Variants in RHOBTB1 observed in about 807,000 individuals in gnomAD.
RHOBTB1 encodes the protein rho-related BTB domain-containing protein 1.
Under a neutral mutation model 71.6 loss-of-function variants are expected in RHOBTB1, and 40 were observed. That is an observed-to-expected ratio of 0.56 (90% CI 0.43 to 0.73). RHOBTB1 has a LOEUF of 0.73. Ranked by LOEUF, RHOBTB1 falls within the 30% of genes least tolerant of loss-of-function variation. RHOBTB1 has a pLI of 0.00. For missense variants in RHOBTB1, 797 were observed against 894.0 expected, an observed-to-expected ratio of 0.89 and a Z score of 1.38; for synonymous variants, 319 against 334.9, an observed-to-expected ratio of 0.95 and a Z score of 0.52.
intron 2 of RHOBTB1, among the ~76,000 whole-genome samples, chr10:60,927,947 T>C (rs551227345): frequency 2.6e-5 from 4 of 152,050 alleles, no homozygotes; most frequent in South Asian, 4.1e-4. Context: ...AAGGGATTAA[T>C]AACCAGAATA....
chr10:60,879,783 T>C (rs1284850156), intron 7 of RHOBTB1, among the ~76,000 whole-genome samples: 1 of 152,094 alleles, frequency 6.6e-6, no homozygotes, highest in Non-Finnish European at 1.5e-5. Context: ...TCTCTCTCCA[T>C]ACACATGCAC....
the RHOBTB1 span, among the ~76,000 whole-genome samples, chr10:60,863,945 C>T: frequency 6.6e-6 from 1 of 151,824 alleles, no homozygotes; most frequent in African/African-American, 2.4e-5. Flanking sequence ...TATGCTGCTG[C>T]AGCTGCTTTC....
At position 60,888,366 on chromosome 10, in the gene RHOBTB1, A is replaced by G. The variant is rs1292583932; in HGVS notation, c.1302T>C (p.Ala434=). ...ACATCTCGAGGACCTCTGCGATCTGAGCCAGGCCCACCAAATCCTTTTCCT... is the reference window on the plus strand; with the variant it reads ...ACATCTCGAGGACCTCTGCGATCTGGGCCAGGCCCACCAAATCCTTTTCCT... ...DEKEKDLVGL[A]QIAEVLEMFD... The change falls in exon 6 of 11, where the codon GCT becomes GCC. Residue 434 remains alanine (A), a synonymous_variant. Coordinates refer to ENST00000337910, the MANE Select transcript of RHOBTB1 (RefSeq NM_014836.5). The G allele has an allele frequency of 6.2e-7, 1 of 1,614,120 alleles. No homozygotes were observed. The highest frequency in any genetic ancestry group is 1.3e-5 in the African/African-American group (1 of 75,022).
rs2080746064 is a variant in RHOBTB1 at position 60,870,864 on chromosome 10, T to C, written c.*618A>G. 1 of 152,678 alleles carries C rather than the reference T, an allele frequency of 6.5e-6. No homozygotes were observed. The highest frequency in any genetic ancestry group is 2.1e-4 in the South Asian group (1 of 4,826). 9.5% of individuals were successfully genotyped at this position (152,678 alleles called of 1,614,324 possible). On this transcript the variant is annotated 3_prime_UTR_variant, in exon 11 of 11. Coordinates refer to ENST00000337910, the MANE Select transcript of RHOBTB1 (RefSeq NM_014836.5). ...AATTACCAGCACTTAACATGGCAAA[T>C]ATTGTAAATACACATTCTTGGAGTT... is the stretch of plus-strand genomic sequence containing the variant.
downstream of RHOBTB1, among the ~76,000 whole-genome samples, chr10:60,864,888 A>C (rs970207383): frequency 1.3e-5 from 2 of 152,096 alleles, no homozygotes; most frequent in Non-Finnish European, 2.9e-5. Flanking sequence ...ATGGGGTTTT[A>C]CCATGTTGGC....
At chr10:60,865,981 A>G (rs1355676264), downstream of RHOBTB1, among the ~76,000 whole-genome samples, 8 of 152,118 alleles carry the variant, frequency 5.3e-5, no homozygotes, top group South Asian at 1.7e-3. Flanking sequence ...ACAGGTATGC[A>G]TCACCACACC....
chr10:60,999,619 A>T (rs2087186327), intron 1 of RHOBTB1, among the ~76,000 whole-genome samples: 1 of 152,254 alleles, frequency 6.6e-6, no homozygotes, highest in Non-Finnish European at 1.5e-5. Context: ...AATTAATCCA[A>T]GTAGGTATAC....
intron 2 of RHOBTB1, among the ~76,000 whole-genome samples, chr10:60,941,541 ACT>A (rs1463560688): frequency 6.6e-6 from 1 of 152,082 alleles, no homozygotes; most frequent in Non-Finnish European, 1.5e-5. Flanking sequence ...CACGGGCACC[ACT>A]CTGATGCCTA....
At chr10:60,931,168 T>A (rs1035927652) in intron 2 of RHOBTB1, among the ~76,000 whole-genome samples, 11 of 152,160 alleles carry the variant, frequency 7.2e-5, no homozygotes, top group Non-Finnish European at 1.0e-4. Context: ...CTTATTTTTT[T>A]AAAAAAATGT....
intron 4 of RHOBTB1, among the ~76,000 whole-genome samples, chr10:60,901,584 GTC>G (rs1292418351): frequency 6.6e-6 from 1 of 152,174 alleles, no homozygotes; most frequent in Non-Finnish European, 1.5e-5. Context: ...TTATTTAACA[GTC>G]TCTTTCTTTT....
intron 2 of RHOBTB1, among the ~76,000 whole-genome samples, chr10:60,916,754 T>C (rs2083288019): frequency 6.6e-6 from 1 of 152,186 alleles, no homozygotes; most frequent in Admixed American, 6.5e-5. Context: ...ATATGTTCCA[T>C]TGTGTGGCAT....
chr10:60,968,128 C>A (rs1231798918), intron 2 of RHOBTB1, among the ~76,000 whole-genome samples: 1 of 152,066 alleles, frequency 6.6e-6, no homozygotes, highest in Non-Finnish European at 1.5e-5. Flanking sequence ...TCTCTCCTAC[C>A]TCTTCACCAG....
chr10:60,978,409 G>C (rs188709340), intron 2 of RHOBTB1, among the ~76,000 whole-genome samples: 190 of 152,254 alleles, frequency 1.2e-3, no homozygotes, highest in African/African-American at 4.1e-3. Context: ...ACATGGGTTT[G>C]CATTTCTCAA....
chr10:60,888,327 C>T lies in RHOBTB1; in HGVS notation c.1341G>A (p.Met447Ile), dbSNP rs1288308144. Residue 447 changes from methionine (M) to isoleucine (I), a missense_variant, in exon 6 of 11, where the codon ATG becomes ATA. By Grantham distance (10) the Met-to-Ile change is conservative. Around this residue, in one of 2 missense-constraint regions of RHOBTB1, gnomAD observed 658 missense variants for 681.5 expected, o/e 0.97. Coordinates refer to ENST00000337910, the MANE Select transcript of RHOBTB1 (RefSeq NM_014836.5). ...CCTTGTTCATGATGTTTTCCACCAT[C>T]ATCCTCAAATCGAACATCTCGAGGA... ...AEVLEMFDLR[M>I]MVENIMNKEA... 1 of 1,614,048 alleles carries T rather than the reference C, an allele frequency of 6.2e-7. No individual in the cohort carries two copies. Among genetic ancestry groups the T allele is most frequent in the Admixed American group, 1.7e-5 (1 of 60,012 alleles).
rs993995288 is a variant in RHOBTB1, at chr10:60,888,423, G to T, written c.1245C>A (p.Leu415=). The change falls in exon 6 of 11, where the codon CTC becomes CTA. Residue 415 remains leucine, a synonymous_variant. Coordinates refer to ENST00000337910, the MANE Select transcript of RHOBTB1 (RefSeq NM_014836.5). The part of the protein sequence containing the change: ...SVQPGPFRTL[L]QFLYTGQLDE... ...CCAGTTGTCCCGTATAAAGAAACTGGAGCAGGGTCCGAAAAGGGCCTGGCT... is the reference window on the plus strand; with the variant it reads ...CCAGTTGTCCCGTATAAAGAAACTGTAGCAGGGTCCGAAAAGGGCCTGGCT... 1.9e-6 allele frequency: 3 copies of T among 1,614,046 alleles called. No individual in the cohort carries two copies. The African/African-American group carries it at 4.0e-5, about 22-fold the overall frequency.
intron 8 of RHOBTB1, among the ~76,000 whole-genome samples, chr10:60,876,588 T>C (rs989141944): frequency 2.0e-5 from 3 of 152,226 alleles, no homozygotes; most frequent in African/African-American, 7.2e-5. Flanking sequence ...AACCTGTGGA[T>C]AGTTAGATGG....
chr10:60,871,385 C>G lies in RHOBTB1; in HGVS notation c.*97G>C. The G allele has an allele frequency of 8.0e-7, 1 of 1,248,128 alleles. No homozygotes were observed. Among genetic ancestry groups the G allele is most frequent in the East Asian group, 2.3e-5 (1 of 42,638 alleles). 77.3% of individuals were successfully genotyped at this position (1,248,128 alleles called of 1,614,324 possible). ...TCAGTGCCCGAAACCTGAACTATGTCGTATCTCTAACAAGACGAATTTTAT... is the reference window on the plus strand; with the variant it reads ...TCAGTGCCCGAAACCTGAACTATGTGGTATCTCTAACAAGACGAATTTTAT... On this transcript the variant is annotated 3_prime_UTR_variant, in exon 11 of 11. Transcript: ENST00000337910.
At chr10:60,957,896 A>G (rs1271568212) in intron 2 of RHOBTB1, among the ~76,000 whole-genome samples, 1 of 152,140 alleles carries the variant, frequency 6.6e-6, no homozygotes, top group African/African-American at 2.4e-5. Flanking sequence ...ACATCCCTAG[A>G]AAGGGGAGTT....
chr10:60,930,336 G>A (rs1016486431), intron 2 of RHOBTB1, among the ~76,000 whole-genome samples: 4 of 152,152 alleles, frequency 2.6e-5, no homozygotes, highest in African/African-American at 9.7e-5. Flanking sequence ...ATTAGATAAT[G>A]CTTGTGAAAT....
Sources: gnomAD v4.1 joint callset for allele counts (sites outside exome capture counted in the v4.1 genomes callset) on GRCh38, gnomAD v4.1.1 for gene constraint, gnomAD v4.1.1 regional missense constraint, MANE v1.5 for transcripts, NCBI Gene and HGNC (gene_info 2026-07-23, HGNC 2026-07-21) for gene names.